The following DDX27 variants were observed in gnomAD, a reference collection of about 807,000 sequenced individuals.
DDX27 encodes DEAD-box helicase 27.
Under a neutral mutation model 99.3 loss-of-function variants are expected in DDX27, and 42 were observed. The ratio of observed to expected loss-of-function variants is 0.42; its 90% confidence interval spans 0.33 to 0.55. The LOEUF (loss-of-function observed/expected upper bound fraction) is 0.55, where lower values mean the gene tolerates loss of function less well. DDX27 is among the 20% of genes least tolerant of loss of function. The pLI, the probability that DDX27 is intolerant of heterozygous loss-of-function variation, is 0.07. For missense variants in DDX27, 798 were observed against 976.8 expected, an observed-to-expected ratio of 0.82 and a Z score of 2.44; for synonymous variants, 329 against 353.8, an observed-to-expected ratio of 0.93 and a Z score of 0.79.
chr20:49,236,487 T>C lies in DDX27; in HGVS notation c.1664T>C (p.Val555Ala). The change falls in exon 14 of 21, where the codon GTG becomes GCG. Residue 555 changes from valine (V) to alanine (A), a missense_variant. Coordinates refer to ENST00000618172, the MANE Select transcript of DDX27 (RefSeq NM_017895.8). This position sits in a 1 kb window ranked among gnomAD's most constrained non-coding sequence, Gnocchi z 4.1. ...ATTGTAAAAGCTGCCAAGGCCCCTG[T>C]GAAGGCCAGGATACTTCCCCAAGGT... ...KEIVKAAKAP[V>A]KARILPQDVI... 6.2e-7 allele frequency: 1 copy of C among 1,604,852 alleles called. No individual in the cohort carries two copies. Among genetic ancestry groups the C allele is most frequent in the Non-Finnish European group, 8.5e-7 (1 of 1,175,622 alleles).
chr20:49,228,701 G>T lies in DDX27; in HGVS notation c.707-14G>T. On this transcript the variant is annotated splice_polypyrimidine_tract_variant and intron_variant, in intron 7 of 20. Transcript: ENST00000618172. ...AACTTCTTCTCATTGCTTCCTTGCT[G>T]TCCCTCCCTCCAGGTAAAACTGCCG... The T allele has an allele frequency of 6.3e-7, 1 of 1,579,598 alleles. No individual in the cohort carries two copies. Among genetic ancestry groups the T allele is most frequent in the Non-Finnish European group, 8.7e-7 (1 of 1,156,064 alleles).
At chr20:49,220,777 G>C (rs1440899650) in intron 1 of DDX27, among the ~76,000 whole-genome samples, 1 of 138,234 alleles carries the variant, frequency 7.2e-6, no homozygotes, top group African/African-American at 2.9e-5. Flanking sequence ...CCCATGATGC[G>C]GGGGGAATTG....
At chr20:49,225,059 G>A in intron 5 of DDX27, 54 bp from the exon 6 acceptor site, 2 of 1,612,880 alleles carry the variant, frequency 1.2e-6, no homozygotes, top group Admixed American at 1.7e-5. Flanking sequence ...GGTCGTTTGG[G>A]TTTCTTGGCT....
chr20:49,240,323 A>C (rs992207892), intron 16 of DDX27, among the ~76,000 whole-genome samples: 7 of 152,240 alleles, frequency 4.6e-5, no homozygotes, highest in Non-Finnish European at 7.3e-5. Context: ...ATCTCCCTTT[A>C]AAAAAGACCC....
rs1291045848 is a variant in DDX27 at position 49,236,554 on chromosome 20, G to A, written c.1687+44G>A. ...GGCAGTGCAGAATGGCTCGGTGGGC[G>A]GGGCAAGGACAGAGTGTAATGGCTG... On this transcript the variant is annotated intron_variant, in intron 14 of 20. Transcript: ENST00000618172. This position sits in a 1 kb window ranked among gnomAD's most constrained non-coding sequence, Gnocchi z 4.1. 9.9e-6 allele frequency: 15 copies of A among 1,510,682 alleles called. No individual in the cohort carries two copies. Among genetic ancestry groups the A allele is most frequent in the South Asian group, 5.4e-5 (4 of 74,494 alleles). 93.6% of individuals were successfully genotyped at this position (1,510,682 alleles called of 1,614,324 possible).
intron 14 of DDX27, among the ~76,000 whole-genome samples, chr20:49,237,650 CAGG>C (rs758361659): frequency 6.6e-6 from 1 of 152,104 alleles, no homozygotes; most frequent in Non-Finnish European, 1.5e-5. Context: ...TTGAGAACAG[CAGG>C]AGGAGACTGC....
intron 14 of DDX27, among the ~76,000 whole-genome samples, chr20:49,237,361 T>G (rs1436436934): frequency 5.9e-5 from 6 of 101,656 alleles, no homozygotes; most frequent in Admixed American, 3.8e-4. Flanking sequence ...GTATTTATTG[T>G]TGGAAATTAG....
At chr20:49,243,740 G>C (rs1210482693) in intron 20 of DDX27, 37 bp downstream of exon 20, 1 of 1,613,384 alleles carries the variant, frequency 6.2e-7, no homozygotes, top group East Asian at 2.2e-5. Flanking sequence ...TAGGTTTTGG[G>C]ATTAGAGATA....
Position 49,236,192 on chromosome 20 carries a change from T to C in DDX27, c.1470T>C (p.Asp490=), listed in dbSNP as rs780122481. 1 of 1,612,718 alleles carries C rather than the reference T, an allele frequency of 6.2e-7. No individual in the cohort carries two copies. The highest frequency in any genetic ancestry group is 1.1e-5 in the South Asian group (1 of 90,864). Residue 490 remains aspartate (D), a synonymous_variant, in exon 13 of 21, where the codon GAT becomes GAC. Coordinates refer to ENST00000618172, the MANE Select transcript of DDX27 (RefSeq NM_017895.8). The surrounding 1 kb of genome is among the most constrained non-coding windows in gnomAD (Gnocchi z 4.1). ...AGATTGACATCCTCGTGGCCACTGA[T>C]GTGGCAGCCCGTGGACTTGACATTG... ...DEQIDILVAT[D]VAARGLDIEG... is the part of the protein sequence containing the mutation.
chr20:49,223,082 ATC>A (rs1979749631), intron 3 of DDX27, 66 bp downstream of exon 3: 3 of 1,503,440 alleles, frequency 2.0e-6, no homozygotes, highest in Non-Finnish European at 1.8e-6. Flanking sequence ...CGACCCCAGC[ATC>A]TCTCTGGAAG....
chr20:49,227,148 C>G (rs1025107310), intron 7 of DDX27, among the ~76,000 whole-genome samples: 2 of 152,046 alleles, frequency 1.3e-5, no homozygotes, highest in Middle Eastern at 3.2e-3. Context: ...AGGCGTGAGC[C>G]ACCGCGCCCG....
At chr20:49,242,024 G>A in intron 17 of DDX27, 37 bp downstream of exon 17, 2 of 1,613,796 alleles carry the variant, frequency 1.2e-6, no homozygotes, top group South Asian at 1.1e-5. Context: ...GGCCCACTCG[G>A]TGGGGTGGGT....
chr20:49,221,461 G>T lies in DDX27; in HGVS notation c.103G>T (p.Val35Leu), dbSNP rs377058170. The T allele has an allele frequency of 6.2e-7, 1 of 1,613,364 alleles. No individual in the cohort carries two copies. Among genetic ancestry groups the T allele is most frequent in the Non-Finnish European group, 8.5e-7 (1 of 1,179,952 alleles). ...CTCTTACTCTTCCCAGGGGCCCATT[G>T]TGCTGGGCAGACGACAAAAAGCTTT... ...SGDEEEEGPI[V>L]LGRRQKALGK... Residue 35 changes from valine to leucine, a missense_variant, in exon 2 of 21, where the codon GTG (valine) becomes TTG (leucine). Physicochemically the swap from Val to Leu is conservative, Grantham distance 32 (BLOSUM62 1). Around this residue, in one of 2 missense-constraint regions of DDX27, gnomAD observed 245 missense variants for 248.8 expected, o/e 0.98. Coordinates refer to ENST00000618172, the MANE Select transcript of DDX27 (RefSeq NM_017895.8).
chr20:49,226,685 T>C (rs1979900617), intron 7 of DDX27, 150 bp downstream of exon 7: 1 of 537,396 alleles, frequency 1.9e-6, no homozygotes, highest in South Asian at 2.9e-5. Flanking sequence ...GAGATAGGGG[T>C]CTCACTTTGT....
intron 19 of DDX27, among the ~76,000 whole-genome samples, chr20:49,242,882 C>A (rs887347078): frequency 1.3e-5 from 2 of 152,094 alleles, no homozygotes; most frequent in Non-Finnish European, 2.9e-5. Context: ...CCACCATGCC[C>A]AACTAATTTT....
Position 49,228,737 on chromosome 20 carries a change from G to A in DDX27, c.729G>A (p.Leu243=). ...CAGGTAAAACTGCCGCCTTTGCCCTGCCTGTTTTGGAGCGTCTGATTTATA... is the reference window on the plus strand; with the variant it reads ...CAGGTAAAACTGCCGCCTTTGCCCTACCTGTTTTGGAGCGTCTGATTTATA... ...TGTGKTAAFA[L]PVLERLIYKP... The change falls in exon 8 of 21, where the codon CTG becomes CTA. Residue 243 remains leucine, a synonymous_variant. Coordinates refer to ENST00000618172, the MANE Select transcript of DDX27 (RefSeq NM_017895.8). The A allele has an allele frequency of 6.2e-7, 1 of 1,607,960 alleles. No individual in the cohort carries two copies. The highest frequency in any genetic ancestry group is 2.3e-5 in the East Asian group (1 of 44,400).
chr20:49,239,940 G>A (rs1980424546), intron 16 of DDX27, among the ~76,000 whole-genome samples: 1 of 152,120 alleles, frequency 6.6e-6, no homozygotes, highest in Admixed American at 6.6e-5. Context: ...AAAATCTTAA[G>A]CTGAATGAAA....
chr20:49,233,667 A>C lies in DDX27; in HGVS notation c.1231A>C (p.Ile411Leu). The C allele has an allele frequency of 6.2e-7, 1 of 1,613,976 alleles. No individual in the cohort carries two copies. The highest frequency in any genetic ancestry group is 8.5e-7 in the Non-Finnish European group (1 of 1,179,976). ...CTTCCTGCGGCAGGAGTTCATCCGG[A>C]TCCGGCCTAATCGTGAAGGAGACCG... Reference protein sequence around the residue: ...APFLRQEFIRIRPNREGDREA... With the variant: ...APFLRQEFIRLRPNREGDREA... The change falls in exon 11 of 21, where the codon ATC becomes CTC. Residue 411 changes from isoleucine to leucine, a missense_variant. Transcript: ENST00000618172.
intron 14 of DDX27, among the ~76,000 whole-genome samples, chr20:49,237,115 TAGAGGCC>T (rs1568976639): frequency 1.3e-5 from 2 of 152,016 alleles, no homozygotes; most frequent in Non-Finnish European, 2.9e-5. Flanking sequence ...GGAGGATTGC[TAGAGGCC>T]AGGAGTTCAA....
Sources: allele counts gnomAD v4.1 joint callset (sites outside exome capture counted in the v4.1 genomes callset), GRCh38; gene constraint gnomAD v4.1.1; regional missense constraint gnomAD v4.1.1; non-coding constraint Gnocchi (gnomAD v3.1); transcripts MANE v1.5; gene names NCBI Gene and HGNC (gene_info 2026-07-23, HGNC 2026-07-21).